Variants in MACROD2 observed in about 807,000 individuals in gnomAD.
MACROD2 encodes the protein ADP-ribose glycohydrolase MACROD2.
A neutral mutation model predicts 70.4 loss-of-function variants in MACROD2; 36 were observed. The observed-to-expected ratio is 0.51, with a 90% CI of 0.39 to 0.68. The LOEUF (loss-of-function observed/expected upper bound fraction) is 0.68, where lower values mean the gene tolerates loss of function less well. MACROD2 is among the 30% of genes least tolerant of loss of function. MACROD2 has a pLI of 0.00. For synonymous variants in MACROD2, 172 were observed against 178.8 expected (o/e 0.96, Z 0.30); for missense variants, 496 against 538.4 (o/e 0.92, Z 0.78).
chr20:15,161,279 A>C (rs2145875066), intron 5 of MACROD2, among the ~76,000 whole-genome samples: 1 of 151,916 alleles, frequency 6.6e-6, no homozygotes, highest in East Asian at 1.9e-4. Flanking sequence ...GAATGGTACA[A>C]ACTGGACCTA....
intron 5 of MACROD2, among the ~76,000 whole-genome samples, chr20:15,121,830 G>C (rs2076033147): frequency 6.6e-6 from 1 of 152,142 alleles, no homozygotes; most frequent in Non-Finnish European, 1.5e-5. Flanking sequence ...TGAAATTTCT[G>C]AAACTAGGAT....
At chr20:15,288,887 A>G (rs1162678179) in intron 6 of MACROD2, among the ~76,000 whole-genome samples, 1 of 151,278 alleles carries the variant, frequency 6.6e-6, no homozygotes, top group East Asian at 1.9e-4. Context: ...CTATCTATCT[A>G]TCTATCTATC....
intron 3 of MACROD2, among the ~76,000 whole-genome samples, chr20:14,401,419 G>T (rs951316791): frequency 2.0e-5 from 3 of 152,036 alleles, no homozygotes; most frequent in African/African-American, 7.2e-5. Flanking sequence ...AATTTTAATT[G>T]TTACTGTATG....
chr20:14,755,171 A>ATCAG (rs1331488651), intron 5 of MACROD2, among the ~76,000 whole-genome samples: 5 of 151,944 alleles, frequency 3.3e-5, no homozygotes, highest in Non-Finnish European at 7.4e-5. Context: ...GCTGGAGCCA[A>ATCAG]TACTCCATCA....
intron 5 of MACROD2, among the ~76,000 whole-genome samples, chr20:14,784,887 G>C (rs970609710): frequency 6.6e-6 from 1 of 151,940 alleles, no homozygotes; most frequent in Admixed American, 6.6e-5. Flanking sequence ...GGGAAATTGC[G>C]AGAGCTGGTA....
intron 8 of MACROD2, among the ~76,000 whole-genome samples, chr20:15,513,883 G>C (rs1479822644): frequency 6.6e-6 from 1 of 152,148 alleles, no homozygotes; most frequent in African/African-American, 2.4e-5. Context: ...GATCTCATAA[G>C]ATTCTAATGA....
At chr20:14,347,915 T>C (rs1438634321) in intron 3 of MACROD2, among the ~76,000 whole-genome samples, 1 of 152,104 alleles carries the variant, frequency 6.6e-6, no homozygotes, top group Non-Finnish European at 1.5e-5. Flanking sequence ...TAGCCTAACA[T>C]TGCCATGTCA....
chr20:14,645,961 T>G (rs1338020941), intron 4 of MACROD2, among the ~76,000 whole-genome samples: 1 of 151,670 alleles, frequency 6.6e-6, no homozygotes, highest in Non-Finnish European at 1.5e-5. Context: ...ATATTTTTTA[T>G]TAGAAATAAC....
At chr20:14,864,977 G>A (rs1463232752) in intron 5 of MACROD2, among the ~76,000 whole-genome samples, 1 of 152,060 alleles carries the variant, frequency 6.6e-6, no homozygotes, top group African/African-American at 2.4e-5. Context: ...GAGCTTCCAA[G>A]CTTGACAAAT....
intron 3 of MACROD2, among the ~76,000 whole-genome samples, chr20:14,171,294 T>A (rs1341539231): frequency 6.6e-6 from 1 of 152,140 alleles, no homozygotes; most frequent in Non-Finnish European, 1.5e-5. Context: ...ATAACCAGCT[T>A]TTTGTTTTAT....
At chr20:15,922,409 G>A (rs537905128) in intron 10 of MACROD2, among the ~76,000 whole-genome samples, 7 of 152,202 alleles carry the variant, frequency 4.6e-5, no homozygotes, top group East Asian at 1.9e-4. Flanking sequence ...TATGAAAATC[G>A]TTCCTTAGAT....
intron 4 of MACROD2, among the ~76,000 whole-genome samples, chr20:14,650,736 C>T (rs1023229309): frequency 1.3e-5 from 2 of 152,154 alleles, no homozygotes; most frequent in Non-Finnish European, 2.9e-5. Flanking sequence ...CAGATATAAA[C>T]CCCTTCCATT....
chr20:14,936,918 T>C (rs764230735), intron 5 of MACROD2, among the ~76,000 whole-genome samples: 7 of 152,164 alleles, frequency 4.6e-5, no homozygotes, highest in Non-Finnish European at 8.8e-5. Flanking sequence ...TATGCAGTTA[T>C]TATGGCAATC....
Position 14,889,232 on chromosome 20 carries a change from C to A in MACROD2, c.418+204273C>A, listed in dbSNP as rs535616044. ...ACATTTATTCAGTGTATACTACTGG[C>A]CAAAGGTTGTTGTAGGCACTGAGGA... On this transcript the variant is annotated intron_variant, in intron 5 of 17. Coordinates refer to ENST00000684519, the MANE Select transcript of MACROD2 (RefSeq NM_001351661.2). Among the ~76,000 whole-genome samples, 7 of 152,152 alleles carry A rather than the reference C, an allele frequency of 4.6e-5. No homozygotes were observed. In the South Asian group the frequency reaches 1.5e-3, roughly 32 times the overall value.
chr20:14,529,282 G>T lies in MACROD2; in HGVS notation c.301+35774G>T, dbSNP rs550788183. On this transcript the variant is annotated intron_variant, in intron 4 of 17. Transcript: ENST00000684519. ...AAGTTCAGAGATAAGGCAGTTCCAG[G>T]ATTAGTTAATTCATTAGTTAATAAC... Among the ~76,000 whole-genome samples the T allele has an allele frequency of 5.9e-5, 9 of 152,302 alleles. 1 individual carries two copies. Among genetic ancestry groups the T allele is most frequent in the African/African-American group, 2.2e-4 (9 of 41,566 alleles).
At chr20:15,094,463 A>G (rs963915569) in intron 5 of MACROD2, among the ~76,000 whole-genome samples, 3 of 152,212 alleles carry the variant, frequency 2.0e-5, no homozygotes, top group Non-Finnish European at 4.4e-5. Context: ...TTATTTTTAT[A>G]CTTAAATATG....
At chr20:15,847,176 T>A (rs1201695217) in intron 8 of MACROD2, among the ~76,000 whole-genome samples, 4 of 152,166 alleles carry the variant, frequency 2.6e-5, no homozygotes, top group African/African-American at 9.7e-5. Flanking sequence ...CTCCTCAACA[T>A]TTCCAAAAGT....
chr20:15,371,849 C>G (rs1055501679), intron 6 of MACROD2, among the ~76,000 whole-genome samples: 4 of 152,110 alleles, frequency 2.6e-5, no homozygotes, highest in Non-Finnish European at 5.9e-5. Flanking sequence ...TTCTGTTGTT[C>G]TCTTCTCAAA....
chr20:15,575,100 A>G (rs989480241), intron 8 of MACROD2, among the ~76,000 whole-genome samples: 6 of 152,188 alleles, frequency 3.9e-5, no homozygotes, highest in African/African-American at 1.4e-4. Context: ...TCTCCCAGTG[A>G]ACAATCAAAT....
Sources: gnomAD v4.1 joint callset for allele counts (sites outside exome capture counted in the v4.1 genomes callset) on GRCh38, gnomAD v4.1.1 for gene constraint, MANE v1.5 for transcripts, NCBI Gene and HGNC (gene_info 2026-07-23, HGNC 2026-07-21) for gene names.